The following SMOC2 variants were observed in gnomAD, a reference collection of about 807,000 sequenced individuals.
SMOC2 encodes the protein SPARC related modular calcium binding 2, also known as SPARC-related modular calcium-binding protein 2.
In SMOC2, 39 loss-of-function variants were observed where a neutral mutation model predicts 61.4. The ratio of observed to expected loss-of-function variants is 0.64; its 90% confidence interval spans 0.49 to 0.83. The LOEUF is 0.83. Ranked by LOEUF, SMOC2 falls within the 40% of genes least tolerant of loss-of-function variation. The pLI is 0.00. For missense variants in SMOC2, 556 were observed against 592.9 expected (o/e 0.94, Z 0.65); for synonymous variants, 247 against 239.9 (o/e 1.03, Z -0.27).
intron 3 of SMOC2, among the ~76,000 whole-genome samples, chr6:168,526,891 C>T (rs1034701012): frequency 2.0e-5 from 3 of 152,162 alleles, no homozygotes; most frequent in Admixed American, 1.3e-4. Context: ...GGCCCACAGA[C>T]ATGGAGCTGA....
chr6:168,459,886 T>A (rs1781683822), intron 1 of SMOC2, among the ~76,000 whole-genome samples: 1 of 151,838 alleles, frequency 6.6e-6, no homozygotes, highest in Non-Finnish European at 1.5e-5. Flanking sequence ...GAGACCTTGG[T>A]GAGAAGAGCC....
chr6:168,637,686 G>A (rs1255525915), intron 9 of SMOC2, among the ~76,000 whole-genome samples: 5 of 152,144 alleles, frequency 3.3e-5, no homozygotes, highest in Non-Finnish European at 5.9e-5. Context: ...CCTAAGTTAC[G>A]TATAATTTGT....
intron 9 of SMOC2, among the ~76,000 whole-genome samples, chr6:168,609,463 G>C (rs182565251): frequency 2.0e-5 from 3 of 152,242 alleles, no homozygotes; most frequent in Admixed American, 2.0e-4. Flanking sequence ...AAGAGATCAC[G>C]ATGGTGCAAA....
intron 2 of SMOC2, among the ~76,000 whole-genome samples, chr6:168,518,443 GAA>G (rs1297305704): frequency 1.2e-4 from 18 of 147,300 alleles, no homozygotes; most frequent in Non-Finnish European, 2.1e-4. Context: ...GTGTGACTGT[GAA>G]TGTGTGAATG....
intron 7 of SMOC2, among the ~76,000 whole-genome samples, chr6:168,590,802 C>G (rs1785163053): frequency 6.6e-6 from 1 of 152,116 alleles, no homozygotes; most frequent in African/African-American, 2.4e-5. Flanking sequence ...TTATTATCAT[C>G]TAAAAACTCC....
intron 9 of SMOC2, among the ~76,000 whole-genome samples, chr6:168,638,732 G>GT (rs1164241132): frequency 6.6e-6 from 1 of 152,208 alleles, no homozygotes; most frequent in Non-Finnish European, 1.5e-5. Context: ...CGGCTGACAG[G>GT]TGTAGGGCCT....
At chr6:168,586,764 A>G (rs1208845455) in intron 7 of SMOC2, among the ~76,000 whole-genome samples, 1 of 152,144 alleles carries the variant, frequency 6.6e-6, no homozygotes, top group South Asian at 2.1e-4. Context: ...TAATATTCCA[A>G]TTATTCATTA....
chr6:168,508,102 C>G (rs568485102), intron 1 of SMOC2, among the ~76,000 whole-genome samples: 3 of 152,348 alleles, frequency 2.0e-5, no homozygotes, highest in African/African-American at 7.2e-5. Context: ...ACGGGCCGTC[C>G]GGCCCCTACA....
chr6:168,478,152 A>G (rs1270261684), intron 1 of SMOC2, among the ~76,000 whole-genome samples: 1 of 152,100 alleles, frequency 6.6e-6, no homozygotes, highest in Non-Finnish European at 1.5e-5. Flanking sequence ...CTCATTCCCA[A>G]ACGTTAGGGT....
intron 9 of SMOC2, among the ~76,000 whole-genome samples, chr6:168,647,920 T>C (rs1027207107): frequency 3.9e-5 from 6 of 152,206 alleles, no homozygotes; most frequent in Non-Finnish European, 7.3e-5. Context: ...TACATAATGC[T>C]TTTTATGTTC....
At chr6:168,451,133 A>G (rs977289646) in intron 1 of SMOC2, among the ~76,000 whole-genome samples, 1 of 152,260 alleles carries the variant, frequency 6.6e-6, no homozygotes, top group African/African-American at 2.4e-5. Context: ...TCCCCAGGGG[A>G]AAGCCCAGGA....
intron 7 of SMOC2, 147 bp downstream of exon 7, chr6:168,549,350 G>A: frequency 1.5e-6 from 1 of 669,054 alleles, no homozygotes; most frequent in Non-Finnish European, 2.6e-6. Flanking sequence ...AAACATCTGA[G>A]GATAACTTTC....
intron 6 of SMOC2, among the ~76,000 whole-genome samples, chr6:168,548,393 T>C (rs1251482028): frequency 6.6e-6 from 1 of 151,496 alleles, no homozygotes; most frequent in African/African-American, 2.4e-5. Flanking sequence ...TTGCTTTTGT[T>C]GCCCAGGCTT....
rs2115111988 is a variant in SMOC2, at chr6:168,553,017, T to G, written c.637+3814T>G. On this transcript the variant is annotated intron_variant, in intron 7 of 12. Transcript: ENST00000356284. This position sits in a 1 kb window ranked among gnomAD's most constrained non-coding sequence, Gnocchi z 4.2. ...CCAGCATATGTTCCACGGGCCCTAC[T>G]GTAGCATCATTACTCTTTTTAAAAC... 6.6e-6 allele frequency among the ~76,000 whole-genome samples: 1 copy of G among 152,320 alleles called. No individual in the cohort carries two copies. Among genetic ancestry groups the G allele is most frequent in the South Asian group, 2.1e-4 (1 of 4,822 alleles).
At chr6:168,655,576 A>T in intron 11 of SMOC2, 1 of 368,706 alleles carries the variant, frequency 2.7e-6, no homozygotes, top group Admixed American at 3.2e-5. Context: ...GCATGTGTGT[A>T]CTAGATACCC....
intron 10 of SMOC2, among the ~76,000 whole-genome samples, chr6:168,651,126 C>G (rs1226401298): frequency 6.6e-6 from 1 of 152,146 alleles, no homozygotes; most frequent in Non-Finnish European, 1.5e-5. Context: ...TTAGAGTCAT[C>G]GATTGGATTG....
At chr6:168,646,546 A>G (rs6913814) in intron 9 of SMOC2, among the ~76,000 whole-genome samples, 24,103 of 152,254 alleles carry the variant, frequency 0.16, 2,353 homozygotes, top group African/African-American at 0.26. Context: ...GAATTTTTAT[A>G]CAAAAATGGT....
intron 2 of SMOC2, among the ~76,000 whole-genome samples, chr6:168,525,061 G>A (rs552502104): frequency 2.0e-5 from 3 of 152,342 alleles, no homozygotes; most frequent in East Asian, 1.9e-4. Flanking sequence ...GAGTCGAGAC[G>A]GCCTTTGTGC....
At chr6:168,592,655 GCTC>G (rs1359114596) in intron 7 of SMOC2, among the ~76,000 whole-genome samples, 6 of 131,676 alleles carry the variant, frequency 4.6e-5, no homozygotes, top group African/African-American at 5.7e-5. Context: ...GGATCGCTGA[GCTC>G]CTCCTCCTTC....
Sources: gnomAD v4.1 joint callset for allele counts (sites outside exome capture counted in the v4.1 genomes callset) on GRCh38, gnomAD v4.1.1 for gene constraint, Gnocchi (gnomAD v3.1) non-coding constraint, MANE v1.5 for transcripts, NCBI Gene and HGNC (gene_info 2026-07-23, HGNC 2026-07-21) for gene names.